Variants in PRKN observed in about 807,000 individuals in gnomAD.
PRKN encodes the protein E3 ubiquitin-protein ligase parkin.
Under a neutral mutation model 59.5 loss-of-function variants are expected in PRKN, and 56 were observed. The observed-to-expected ratio is 0.94, with a 90% CI of 0.76 to 1.18. The LOEUF (loss-of-function observed/expected upper bound fraction) is 1.18. Among genes scored for constraint, PRKN ranks in the 50% most tolerant of loss-of-function variants. The probability of loss-of-function intolerance (pLI) is 0.00; values close to 1 mark genes in which losing one functional copy is unlikely to be tolerated. For synonymous variants in PRKN, 250 were observed against 222.1 expected (o/e 1.13, Z -1.12); for missense variants, 657 against 596.4 (o/e 1.10, Z -1.06).
intron 1 of PRKN, among the ~76,000 whole-genome samples, chr6:162,535,701 G>C (rs2128198180): frequency 6.6e-6 from 1 of 151,986 alleles, no homozygotes; most frequent in East Asian, 1.9e-4. Flanking sequence ...TTGAGCTCAG[G>C]AGTTTGAGAC....
At chr6:162,387,449 G>A (rs1379172590) in intron 2 of PRKN, among the ~76,000 whole-genome samples, 2 of 151,410 alleles carry the variant, frequency 1.3e-5, no homozygotes, top group Admixed American at 6.6e-5. Context: ...GAGAAACAAC[G>A]ATAATAATTG....
chr6:162,143,181 C>T (rs1781862838), intron 4 of PRKN, among the ~76,000 whole-genome samples: 1 of 152,160 alleles, frequency 6.6e-6, no homozygotes, highest in African/African-American at 2.4e-5. Context: ...GGTAAAATGG[C>T]CACCCACAAC....
At position 161,594,745 on chromosome 6, in the gene PRKN, A is replaced by C. The variant is rs1318821585; in HGVS notation, c.872-25329T>G. Among the ~76,000 whole-genome samples, 3 of 152,240 alleles carry C rather than the reference A, an allele frequency of 2.0e-5. No individual in the cohort carries two copies. The East Asian group carries it at 5.8e-4, about 29-fold the overall frequency. On this transcript the variant is annotated intron_variant, in intron 7 of 11. Coordinates refer to ENST00000366898, the MANE Select transcript of PRKN (RefSeq NM_004562.3). ...GTTGACTGAATAACTGAACAACTAA[A>C]AACACTGGTTTTTTTATATTTGAAA...
chr6:162,643,411 A>AAAAG (rs1405190397), intron 1 of PRKN, among the ~76,000 whole-genome samples: 13 of 150,324 alleles, frequency 8.6e-5, no homozygotes, highest in Admixed American at 2.0e-4. Flanking sequence ...AAAAAAAAAA[A>AAAAG]AAAAGAAAGA....
At chr6:162,421,862 G>A (rs964830275) in intron 2 of PRKN, among the ~76,000 whole-genome samples, 1 of 152,132 alleles carries the variant, frequency 6.6e-6, no homozygotes, top group African/African-American at 2.4e-5. Context: ...ACAAAATTAA[G>A]AGATATTCTA....
intron 7 of PRKN, among the ~76,000 whole-genome samples, chr6:161,622,012 C>T (rs1003278524): frequency 4.6e-5 from 7 of 152,124 alleles, no homozygotes; most frequent in South Asian, 4.1e-4. Context: ...ACGTGTATGC[C>T]GCCTATCTCA....
At chr6:162,073,897 C>T (rs1778697452) in intron 4 of PRKN, among the ~76,000 whole-genome samples, 1 of 152,224 alleles carries the variant, frequency 6.6e-6, no homozygotes, top group South Asian at 2.1e-4. Flanking sequence ...AGAAAAAAGT[C>T]ACATGGAGAA....
chr6:161,410,861 G>C lies in PRKN; in HGVS notation c.1084-23984C>G, dbSNP rs1440018845. Among the ~76,000 whole-genome samples, 1 of 151,988 alleles carries C rather than the reference G, an allele frequency of 6.6e-6. No homozygotes were observed. The highest frequency in any genetic ancestry group is 2.4e-5 in the African/African-American group (1 of 41,348). ...ATGGGATTCCTTAAAACCAAGCAAA[G>C]CAACTCATCACCTACCCATAAGAAT... On this transcript the variant is annotated intron_variant, in intron 9 of 11. Coordinates refer to ENST00000366898, the MANE Select transcript of PRKN (RefSeq NM_004562.3). The surrounding 1 kb of genome is among the most constrained non-coding windows in gnomAD (Gnocchi z 5.3).
intron 2 of PRKN, among the ~76,000 whole-genome samples, chr6:162,370,355 A>G (rs778886305): frequency 6.6e-6 from 1 of 152,172 alleles, no homozygotes; most frequent in Non-Finnish European, 1.5e-5. Flanking sequence ...GCATTTTAAC[A>G]TCACTAACTA....
At chr6:161,720,176 A>C (rs1787161572) in intron 7 of PRKN, among the ~76,000 whole-genome samples, 2 of 152,266 alleles carry the variant, frequency 1.3e-5, no homozygotes, top group African/African-American at 4.8e-5. Context: ...GATAATTATT[A>C]ACCATACTAA....
At chr6:162,168,050 C>G (rs1333831815) in intron 4 of PRKN, among the ~76,000 whole-genome samples, 1 of 152,006 alleles carries the variant, frequency 6.6e-6, no homozygotes, top group East Asian at 1.9e-4. Flanking sequence ...CAAAATTGCT[C>G]AAAGGTTAGG....
intron 1 of PRKN, among the ~76,000 whole-genome samples, chr6:162,641,857 G>T (rs897068665): frequency 6.6e-6 from 1 of 152,062 alleles, no homozygotes; most frequent in Non-Finnish European, 1.5e-5. Flanking sequence ...AAACTGAACA[G>T]AATTTACCAA....
chr6:161,492,282 G>A (rs893208132), intron 9 of PRKN, among the ~76,000 whole-genome samples: 3 of 152,210 alleles, frequency 2.0e-5, no homozygotes, highest in South Asian at 2.1e-4. Context: ...GCACAGGCCC[G>A]GGGTGGGTCT....
In PRKN at chr6:162,054,286, A is replaced by G. The variant is rs1454388774; in HGVS notation, c.535-112T>C. The G allele has an allele frequency of 4.3e-5, 34 of 784,152 alleles. 1 individual carries two copies. Among genetic ancestry groups the G allele is most frequent in the Middle Eastern group, 2.7e-4 (1 of 3,656 alleles). The allele number at this position is 784,152 out of a possible 1,614,324, so 48.6% of individuals were successfully genotyped here. On this transcript the variant is annotated intron_variant, in intron 4 of 11. Coordinates refer to ENST00000366898, the MANE Select transcript of PRKN (RefSeq NM_004562.3). Reference sequence around the variant, plus strand: ...AATAGTGAAATTAGTGTGTAGTCCAATGATTTTCAAAGTGTGGTCTGCAGA... The same window carrying G: ...AATAGTGAAATTAGTGTGTAGTCCAGTGATTTTCAAAGTGTGGTCTGCAGA...
chr6:162,074,725 C>T (rs1778744637), intron 4 of PRKN, among the ~76,000 whole-genome samples: 2 of 152,186 alleles, frequency 1.3e-5, no homozygotes, highest in African/African-American at 4.8e-5. Context: ...GGTTTTGACA[C>T]AGTCAATCAC....
At chr6:162,232,501 C>T (rs1461167679) in intron 3 of PRKN, among the ~76,000 whole-genome samples, 1 of 152,194 alleles carries the variant, frequency 6.6e-6, no homozygotes, top group African/African-American at 2.4e-5. Flanking sequence ...GACCCTTTTC[C>T]TCAGAAGTGG....
chr6:162,706,594 C>T (rs1001271755), intron 1 of PRKN, among the ~76,000 whole-genome samples: 3 of 152,184 alleles, frequency 2.0e-5, no homozygotes, highest in Non-Finnish European at 4.4e-5. Context: ...CATATCCTCA[C>T]TCTAACCTTG....
At chr6:162,061,311 C>T (rs1334306521) in intron 4 of PRKN, among the ~76,000 whole-genome samples, 2 of 152,176 alleles carry the variant, frequency 1.3e-5, no homozygotes, top group African/African-American at 4.8e-5. Flanking sequence ...GTTGCTGGCA[C>T]ATAGAGAGTT....
At chr6:162,610,715 T>A (rs1782111612) in intron 1 of PRKN, among the ~76,000 whole-genome samples, 1 of 152,188 alleles carries the variant, frequency 6.6e-6, no homozygotes, top group South Asian at 2.1e-4. Context: ...TATATTGCTA[T>A]CTAGATTAGC....
Sources: allele counts gnomAD v4.1 joint callset (sites outside exome capture counted in the v4.1 genomes callset), GRCh38; gene constraint gnomAD v4.1.1; non-coding constraint Gnocchi (gnomAD v3.1); transcripts MANE v1.5; gene names NCBI Gene and HGNC (gene_info 2026-07-23, HGNC 2026-07-21).